RIF1: variants seen among roughly 807,000 people sequenced by gnomAD.
RIF1 encodes the protein telomere-associated protein RIF1.
Under a neutral mutation model 247.1 loss-of-function variants are expected in RIF1, and 45 were observed. That is an observed-to-expected ratio of 0.18 (90% CI 0.14 to 0.23). The LOEUF is 0.23. Ranked by LOEUF, RIF1 falls within the 10% of genes least tolerant of loss-of-function variation. The pLI is 1.00. For synonymous variants in RIF1, 1,087 were observed against 978.8 expected, an observed-to-expected ratio of 1.11 and a Z score of -2.06; for missense variants, 2,967 against 2,862.5, an observed-to-expected ratio of 1.04 and a Z score of -0.83.
downstream of RIF1, chr2:151,486,210 C>CA (rs1451814951): frequency 3.5e-4 from 110 of 317,596 alleles, no homozygotes; most frequent in Admixed American, 1.2e-3. Flanking sequence ...GACATTTCTC[C>CA]AAAAAAGATA....
intron 9 of RIF1, among the ~76,000 whole-genome samples, chr2:151,430,758 T>G (rs1689970555): frequency 9.7e-6 from 1 of 102,744 alleles, no homozygotes; most frequent in African/African-American, 3.4e-5. Context: ...GCTCCAGTGA[T>G]CCTCCCACCT....
chr2:151,508,756 G>A (rs535953574), downstream of RIF1, among the ~76,000 whole-genome samples: 1 of 152,356 alleles, frequency 6.6e-6, no homozygotes, highest in East Asian at 1.9e-4. Context: ...GACTGGCCAA[G>A]GACTGCTCTG....
intron 29 of RIF1, 42 bp from the exon 30 acceptor site, chr2:151,462,842 A>G (rs1327019182): frequency 7.1e-6 from 10 of 1,402,106 alleles, no homozygotes; most frequent in Non-Finnish European, 8.7e-6. Flanking sequence ...TTTGCTGGTT[A>G]TTAATCTGTG....
At chr2:151,419,477 C>A (rs1466938778) in intron 6 of RIF1, among the ~76,000 whole-genome samples, 1 of 151,988 alleles carries the variant, frequency 6.6e-6, no homozygotes, top group Non-Finnish European at 1.5e-5. Flanking sequence ...AAGCATGTGC[C>A]ACCACACCCA....
In RIF1 at chr2:151,458,813, C is replaced by A; in HGVS notation, c.2858C>A (p.Pro953Gln). Reference sequence around the variant, plus strand: ...ATATTTTATGTACTTTTTTAAAGACCAGTACTAACACAAGCCAAACAAAAA... The same window carrying A: ...ATATTTTATGTACTTTTTTAAAGACAAGTACTAACACAAGCCAAACAAAAA... Reference protein sequence around the residue: ...MMLVYPEELKPVLTQAKQKFL... With the variant: ...MMLVYPEELKQVLTQAKQKFL... Residue 953 changes from proline to glutamine, a missense_variant and splice_region_variant, in exon 25 of 36, where the codon CCA (proline) becomes CAA (glutamine). Pro to Gln is a moderately conservative substitution (Grantham distance 76). Coordinates refer to ENST00000444746, the MANE Select transcript of RIF1 (RefSeq NM_018151.5). 6.3e-7 allele frequency: 1 copy of A among 1,590,278 alleles called. No homozygotes were observed. The highest frequency in any genetic ancestry group is 8.6e-7 in the Non-Finnish European group (1 of 1,163,086).
chr2:151,529,784 C>G, the RIF1 span, among the ~76,000 whole-genome samples: 876 of 152,302 alleles, frequency 5.8e-3, 5 homozygotes, highest in Non-Finnish European at 9.1e-3. Context: ...CCCACCTCAG[C>G]CTTTCAAAGT....
At chr2:151,436,540 C>CAA (rs561444176) in intron 11 of RIF1, among the ~76,000 whole-genome samples, 15 of 60,758 alleles carry the variant, frequency 2.5e-4, no homozygotes, top group East Asian at 1.3e-3. Context: ...GACTCTGTCT[C>CAA]AAAAAAAAAA....
rs369136350 is a variant in RIF1 at position 151,464,984 on chromosome 2, A to G, written c.5464A>G (p.Thr1822Ala). 4 of 1,576,864 alleles carry G rather than the reference A, an allele frequency of 2.5e-6. No individual in the cohort carries two copies. Among genetic ancestry groups the G allele is most frequent in the Non-Finnish European group, 3.4e-6 (4 of 1,169,232 alleles). The change falls in exon 30 of 36, where the codon ACT (threonine) becomes GCT (alanine). Residue 1822 changes from threonine (T) to alanine (A), a missense_variant. Physicochemically the swap from Thr to Ala is moderately conservative, Grantham distance 58. Around this residue, in one of 7 missense-constraint regions of RIF1, gnomAD observed 2,028 missense variants for 1,825.6 expected, o/e 1.11. Transcript: ENST00000444746. ...TTCTGAAACCAAATCAAAAGAAAAC[A>G]CTATGCAAGAATCTCTTCCTTCTGG... ...IVSETKSKEN[T>A]MQESLPSGIV...
chr2:151,472,035 T>G (rs1574176372), intron 34 of RIF1, among the ~76,000 whole-genome samples: 2 of 152,166 alleles, frequency 1.3e-5, no homozygotes, highest in East Asian at 3.8e-4. Context: ...TTGTGTCCTC[T>G]TTTATTTCAT....
chr2:151,464,414 G>T lies in RIF1; in HGVS notation c.4894G>T (p.Asp1632Tyr), dbSNP rs1217679407. 3 of 1,613,268 alleles carry T rather than the reference G, an allele frequency of 1.9e-6. No homozygotes were observed. The highest frequency in any genetic ancestry group is 1.7e-4 in the Middle Eastern group (1 of 6,058). The change falls in exon 30 of 36, where the codon GAT becomes TAT. Residue 1632 changes from aspartate to tyrosine, a missense_variant. Physicochemically the swap from Asp to Tyr is radical, Grantham distance 160. Coordinates refer to ENST00000444746, the MANE Select transcript of RIF1 (RefSeq NM_018151.5). Reference protein sequence around the residue: ...QDESNTVICQDSTVTSDLLQV... With the variant: ...QDESNTVICQYSTVTSDLLQV... Reference sequence around the variant, plus strand: ...TGAAAGTAATACTGTAATATGTCAGGATTCTACAGTAACTTCAGATTTGTT... The same window carrying T: ...TGAAAGTAATACTGTAATATGTCAGTATTCTACAGTAACTTCAGATTTGTT...
At chr2:151,423,210 ATTGCTT>A in intron 8 of RIF1, 168 bp downstream of exon 8, 1 of 553,928 alleles carries the variant, frequency 1.8e-6, no homozygotes, top group Non-Finnish European at 3.1e-6. Context: ...CAGTACTTGC[ATTGCTT>A]TTGCTTTCAT....
chr2:151,434,630 C>T (rs1306875632), intron 10 of RIF1, among the ~76,000 whole-genome samples: 3 of 151,720 alleles, frequency 2.0e-5, no homozygotes. Flanking sequence ...TTAGTAGAGA[C>T]GGGGTTTCAC....
At chr2:151,471,514 A>T (rs1003288410) in intron 34 of RIF1, among the ~76,000 whole-genome samples, 5 of 152,212 alleles carry the variant, frequency 3.3e-5, no homozygotes, top group Non-Finnish European at 7.3e-5. Context: ...TCTTACAGTT[A>T]AATCTTTAAT....
intron 12 of RIF1, among the ~76,000 whole-genome samples, chr2:151,505,039 T>C (rs770841591): frequency 3.3e-5 from 5 of 152,192 alleles, no homozygotes; most frequent in Non-Finnish European, 7.3e-5. Flanking sequence ...CTATCATTCA[T>C]ATGATGTGTC....
At chr2:151,444,264 G>A (rs1036109177) in intron 18 of RIF1, among the ~76,000 whole-genome samples, 1 of 152,158 alleles carries the variant, frequency 6.6e-6, no homozygotes, top group Non-Finnish European at 1.5e-5. Flanking sequence ...CATTCTCTGG[G>A]CTAATAGTGC....
intron 9 of RIF1, among the ~76,000 whole-genome samples, chr2:151,431,647 C>A (rs750789946): frequency 6.6e-6 from 1 of 152,094 alleles, no homozygotes; most frequent in African/African-American, 2.4e-5. Flanking sequence ...GTTGGACGGG[C>A]ATGGTGGCAC....
At chr2:151,487,468 T>C (rs2051774424) in intron 9 of RIF1, among the ~76,000 whole-genome samples, 1 of 152,212 alleles carries the variant, frequency 6.6e-6, no homozygotes. Flanking sequence ...GGAACATTAC[T>C]ATAAATAATA....
At chr2:151,529,218 T>G in the RIF1 span, 1 of 1,609,304 alleles carries the variant, frequency 6.2e-7, no homozygotes, top group Admixed American at 1.7e-5. Flanking sequence ...ACATTGGTGT[T>G]GACTTTGTAG....
intron 3 of RIF1, among the ~76,000 whole-genome samples, chr2:151,414,267 CAA>C (rs943254221): frequency 6.8e-6 from 1 of 146,864 alleles, no homozygotes; most frequent in Non-Finnish European, 1.5e-5. Context: ...GCCTGGGCAA[CAA>C]GAGCGAAACT....
Sources: allele counts gnomAD v4.1 joint callset (sites outside exome capture counted in the v4.1 genomes callset), GRCh38; gene constraint gnomAD v4.1.1; regional missense constraint gnomAD v4.1.1; transcripts MANE v1.5; gene names NCBI Gene and HGNC (gene_info 2026-07-23, HGNC 2026-07-21).